ELOVL2: variants seen among roughly 807,000 people sequenced by gnomAD.
ELOVL2 encodes very long chain fatty acid elongase 2.
A neutral mutation model predicts 37.7 loss-of-function variants in ELOVL2; 38 were observed. The observed-to-expected ratio is 1.01, with a 90% CI of 0.78 to 1.32. The LOEUF (loss-of-function observed/expected upper bound fraction) is 1.32. Among genes scored for constraint, ELOVL2 ranks in the 40% most tolerant of loss-of-function variants. ELOVL2 has a pLI of 0.00. For missense variants in ELOVL2, 352 were observed against 363.6 expected (o/e 0.97, Z 0.26); for synonymous variants, 115 against 122.3 (o/e 0.94, Z 0.40).
chr6:11,019,183 C>T (rs1782728544), intron 1 of ELOVL2, among the ~76,000 whole-genome samples: 1 of 152,158 alleles, frequency 6.6e-6, no homozygotes, highest in African/African-American at 2.4e-5. Flanking sequence ...ACATCCTAAA[C>T]TTCTATAACA....
intron 3 of ELOVL2, among the ~76,000 whole-genome samples, chr6:11,003,664 G>A (rs1581867357): frequency 6.6e-6 from 1 of 152,162 alleles, no homozygotes; most frequent in Non-Finnish European, 1.5e-5. Context: ...ATAGAGAAAC[G>A]AATCCCATAA....
intron 4 of ELOVL2, 148 bp from the exon 5 acceptor site, chr6:10,995,326 CCAGT>C: frequency 1.6e-6 from 1 of 615,466 alleles, no homozygotes. Flanking sequence ...GTCCTTGTCT[CCAGT>C]TTCTCCTTAT....
chr6:10,992,688 C>A (rs1782184578), intron 5 of ELOVL2, among the ~76,000 whole-genome samples: 1 of 77,784 alleles, frequency 1.3e-5, no homozygotes, highest in Non-Finnish European at 2.5e-5. Context: ...ACTCGGGAGG[C>A]TGAGGCAGGA....
chr6:11,035,887 G>C (rs1165091292), intron 1 of ELOVL2, among the ~76,000 whole-genome samples: 2 of 152,218 alleles, frequency 1.3e-5, no homozygotes, highest in Non-Finnish European at 2.9e-5. Flanking sequence ...CTCTAATTGA[G>C]CAGTACTGAG....
chr6:10,996,234 G>A (rs151166581), intron 4 of ELOVL2, among the ~76,000 whole-genome samples: 12 of 152,256 alleles, frequency 7.9e-5, no homozygotes, highest in Middle Eastern at 3.4e-3. Flanking sequence ...GGCCGCAACC[G>A]TCTTAATGTC....
intron 1 of ELOVL2, among the ~76,000 whole-genome samples, chr6:11,030,946 AGC>A (rs1371869020): frequency 6.6e-6 from 1 of 152,218 alleles, no homozygotes; most frequent in Non-Finnish European, 1.5e-5. Context: ...CTTGATGTCA[AGC>A]CTTCCAGTCT....
At chr6:10,995,892 C>T (rs1402841283) in intron 4 of ELOVL2, among the ~76,000 whole-genome samples, 2 of 152,188 alleles carry the variant, frequency 1.3e-5, no homozygotes, top group Non-Finnish European at 2.9e-5. Context: ...CTTTCCTCTG[C>T]TCTTCTAAAG....
At chr6:11,027,279 T>C (rs1388437970) in intron 1 of ELOVL2, among the ~76,000 whole-genome samples, 3 of 152,124 alleles carry the variant, frequency 2.0e-5, no homozygotes, top group Non-Finnish European at 4.4e-5. Flanking sequence ...CTCTGCATGG[T>C]CCAGAGTCTT....
At chr6:11,040,216 G>A (rs908247882) in intron 1 of ELOVL2, among the ~76,000 whole-genome samples, 5 of 152,184 alleles carry the variant, frequency 3.3e-5, no homozygotes, top group African/African-American at 1.2e-4. Flanking sequence ...TCTGAAAGAT[G>A]AGTAGCTTTC....
chr6:11,043,931 A>C (rs1783160701), intron 1 of ELOVL2: 2 of 275,510 alleles, frequency 7.3e-6, no homozygotes, highest in African/African-American at 2.2e-5. Flanking sequence ...CGTGCATGCA[A>C]CAGGGGACTG....
chr6:11,022,077 G>A (rs912123209), intron 1 of ELOVL2, among the ~76,000 whole-genome samples: 4 of 152,310 alleles, frequency 2.6e-5, no homozygotes, highest in African/African-American at 7.2e-5. Flanking sequence ...GAGAGAGGCC[G>A]TGATGAAAAA....
chr6:10,983,998 A>AT, intron 7 of ELOVL2, 92 bp from the exon 8 acceptor site: 2 of 1,198,316 alleles, frequency 1.7e-6, no homozygotes, highest in Non-Finnish European at 2.3e-6. Context: ...ACAGTATGTG[A>AT]TTTTGTTGGG....
chr6:11,029,978 C>T (rs2113556620), intron 1 of ELOVL2, among the ~76,000 whole-genome samples: 2 of 152,234 alleles, frequency 1.3e-5, no homozygotes, highest in South Asian at 2.1e-4. Flanking sequence ...GTACCAACTC[C>T]CAGGGTTGCT....
chr6:11,028,079 A>G (rs1782865145), intron 1 of ELOVL2, among the ~76,000 whole-genome samples: 1 of 152,060 alleles, frequency 6.6e-6, no homozygotes, highest in Non-Finnish European at 1.5e-5. Context: ...AAATGGGTCT[A>G]ATTTGGACTT....
intron 7 of ELOVL2, among the ~76,000 whole-genome samples, chr6:10,986,120 G>A (rs1782047651): frequency 1.3e-5 from 2 of 152,090 alleles, no homozygotes; most frequent in Admixed American, 1.3e-4. Flanking sequence ...ATTGTGAATG[G>A]GAGTTCACTC....
intron 5 of ELOVL2, among the ~76,000 whole-genome samples, chr6:10,993,073 T>G (rs13214466): frequency 6.6e-6 from 1 of 152,040 alleles, no homozygotes; most frequent in Non-Finnish European, 1.5e-5. Flanking sequence ...GAAGAAAATT[T>G]AAATATAACC....
chr6:10,994,175 AAAG>A lies in ELOVL2; in HGVS notation c.505+829_505+831del, dbSNP rs1351024719. 4.4e-4 allele frequency among the ~76,000 whole-genome samples: 67 copies of A among 152,060 alleles called. 1 individual carries two copies. Among genetic ancestry groups the A allele is most frequent in the African/African-American group, 1.3e-3 (52 of 41,494 alleles). ...GAGACCCTGTCTTAAAAAAATAAAAAAAGAAGAAGGGCCGGGTGCGGTGGCCCA... is the reference window on the plus strand; with the variant it reads ...GAGACCCTGTCTTAAAAAAATAAAAAAAGAAGGGCCGGGTGCGGTGGCCCA... On this transcript the variant is annotated intron_variant, in intron 5 of 7. Coordinates refer to ENST00000354666, the MANE Select transcript of ELOVL2 (RefSeq NM_017770.4).
chr6:11,006,484 T>G (rs1782485776), intron 2 of ELOVL2, among the ~76,000 whole-genome samples: 1 of 152,268 alleles, frequency 6.6e-6, no homozygotes, highest in Admixed American at 6.5e-5. Flanking sequence ...TTATAAAAAT[T>G]GCATGCTGCT....
At chr6:10,999,811 T>G (rs1180706329) in intron 4 of ELOVL2, among the ~76,000 whole-genome samples, 1 of 152,228 alleles carries the variant, frequency 6.6e-6, no homozygotes, top group Non-Finnish European at 1.5e-5. Flanking sequence ...CTTTTGTTCA[T>G]GTAACTATAT....
Sources: allele counts gnomAD v4.1 joint callset (sites outside exome capture counted in the v4.1 genomes callset), GRCh38; gene constraint gnomAD v4.1.1; transcripts MANE v1.5; gene names NCBI Gene and HGNC (gene_info 2026-07-23, HGNC 2026-07-21).